The following TARS2 variants were observed in gnomAD, a reference collection of about 807,000 sequenced individuals.
The protein encoded by TARS2 is threonine--tRNA ligase, mitochondrial.
TARS2 carries 61 observed loss-of-function variants against 94.4 expected under a neutral mutation model. That is an observed-to-expected ratio of 0.65 (90% CI 0.53 to 0.80). The LOEUF is 0.80. TARS2 is among the 30% of genes least tolerant of loss of function. The probability of loss-of-function intolerance (pLI) is 0.00; values close to 1 mark genes in which losing one functional copy is unlikely to be tolerated. For synonymous variants in TARS2, 359 were observed against 353.4 expected (o/e 1.02, Z -0.18); for missense variants, 704 against 902.5 (o/e 0.78, Z 2.82).
At chr1:150,494,049 C>A (rs993407359) in intron 7 of TARS2, among the ~76,000 whole-genome samples, 8 of 151,706 alleles carry the variant, frequency 5.3e-5, no homozygotes, top group Non-Finnish European at 4.4e-5. Context: ...TTTTGTCCTA[C>A]CAGTAAATTC....
chr1:150,490,558 G>A, intron 3 of TARS2, 43 bp from the exon 4 acceptor site: 1 of 1,600,084 alleles, frequency 6.2e-7, no homozygotes. Context: ...AGGGGTTAAG[G>A]GAGAAGTTTA....
intron 16 of TARS2, 89 bp from the exon 17 acceptor site, chr1:150,505,502 T>TG (rs1295156100): frequency 1.1e-5 from 13 of 1,152,564 alleles, no homozygotes; most frequent in Non-Finnish European, 1.7e-5. Flanking sequence ...GAGGAACAGA[T>TG]GGGGGCATTG....
At position 150,497,651 on chromosome 1, in the gene TARS2, C is replaced by G. The variant is rs747498329; in HGVS notation, c.1142C>G (p.Pro381Arg). The change falls in exon 10 of 18, where the codon CCA becomes CGA. Residue 381 changes from proline (P) to arginine (R), a missense_variant. This residue lies in a region of TARS2 where 466 missense variants were observed against 609.5 expected (regional missense o/e 0.76). Transcript: ENST00000369064. ...YQEDMFAVQP[P>R]GSDRPPSSQS... Reference sequence around the variant, plus strand: ...GAAGACATGTTTGCCGTGCAGCCCCCAGGCTCTGACAGGCCTCCCAGCTCC... The same window carrying G: ...GAAGACATGTTTGCCGTGCAGCCCCGAGGCTCTGACAGGCCTCCCAGCTCC... 1 of 1,614,176 alleles carries G rather than the reference C, an allele frequency of 6.2e-7. No individual in the cohort carries two copies. Among genetic ancestry groups the G allele is most frequent in the South Asian group, 1.1e-5 (1 of 91,080 alleles).
chr1:150,506,311 C>T (rs1455479644), intron 17 of TARS2, among the ~76,000 whole-genome samples: 1 of 152,028 alleles, frequency 6.6e-6, no homozygotes, highest in Non-Finnish European at 1.5e-5. Flanking sequence ...TCCTCCTCAG[C>T]AGAGGCCCCT....
At chr1:150,506,574 G>GACACACACACACAC (rs59687878) in intron 17 of TARS2, among the ~76,000 whole-genome samples, 1 of 109,050 alleles carries the variant, frequency 9.2e-6, no homozygotes, top group African/African-American at 3.5e-5. Context: ...TAATGTCTCT[G>GACACACACACACAC]ACACACACAC....
At chr1:150,489,377 C>A (rs958332285) in intron 3 of TARS2, 3 of 392,784 alleles carry the variant, frequency 7.6e-6, no homozygotes, top group Non-Finnish European at 1.5e-5. Context: ...TGAGCACGTA[C>A]ATTATAAGTC....
chr1:150,504,768 C>A, intron 15 of TARS2, 35 bp downstream of exon 15: 1 of 1,612,470 alleles, frequency 6.2e-7, no homozygotes, highest in Non-Finnish European at 8.5e-7. Context: ...GTTCTGGCCC[C>A]AAACCGGATA....
chr1:150,488,103 C>G, intron 2 of TARS2, 49 bp downstream of exon 2: 1 of 1,584,870 alleles, frequency 6.3e-7, no homozygotes, highest in South Asian at 1.1e-5. Context: ...TGCCCCTTTA[C>G]TTTCTCTTCA....
Position 150,498,663 on chromosome 1 carries a change from A to G in TARS2, c.1400A>G (p.Gln467Arg). 1.2e-6 allele frequency: 2 copies of G among 1,613,402 alleles called. No homozygotes were observed. Among genetic ancestry groups the G allele is most frequent in the Non-Finnish European group, 1.7e-6 (2 of 1,179,788 alleles). Residue 467 changes from glutamine to arginine, a missense_variant and splice_region_variant, in exon 11 of 18, where the codon CAG becomes CGG. By Grantham distance (43) the Gln-to-Arg change is conservative. Coordinates refer to ENST00000369064, the MANE Select transcript of TARS2 (RefSeq NM_025150.5). ...DDAHIFCTTD[Q>R]LEAEIQSCLD... ...GCTCACATCTTCTGTACAACAGATC[A>G]GGTGGCCTTTCCCTGGCTCCACCAA...
At chr1:150,503,603 A>ATGTGTGTATATATATG (rs1670038081) in intron 13 of TARS2, among the ~76,000 whole-genome samples, 3 of 81,428 alleles carry the variant, frequency 3.7e-5, no homozygotes, top group African/African-American at 1.9e-4. Flanking sequence ...GTGTGTGTGT[A>ATGTGTGTATATATATG]TGTGTGTATA....
At chr1:150,497,434 GCATGGCCTGAGGGCC>G (rs1282172886) in intron 9 of TARS2, 81 bp from the exon 10 acceptor site, 1 of 1,178,414 alleles carries the variant, frequency 8.5e-7, no homozygotes, top group African/African-American at 1.5e-5. Context: ...GTTGCAATCA[GCATGGCCTGAGGGCC>G]CAGGAAGATC....
At chr1:150,494,480 G>C (rs182868684) in intron 7 of TARS2, among the ~76,000 whole-genome samples, 1 of 151,222 alleles carries the variant, frequency 6.6e-6, no homozygotes, top group Non-Finnish European at 1.5e-5. Context: ...TGGTTCACAC[G>C]TGTAATCCCA....
chr1:150,498,984 C>T lies in TARS2; in HGVS notation c.1489C>T (p.Arg497Trp), dbSNP rs748856324. Residue 497 changes from arginine (R) to tryptophan (W), a missense_variant, in exon 12 of 18, where the codon CGG becomes TGG. Physicochemically the swap from Arg to Trp is moderately radical, Grantham distance 101. This residue lies in a region of TARS2 where 466 missense variants were observed against 609.5 expected (regional missense o/e 0.76). Coordinates refer to ENST00000369064, the MANE Select transcript of TARS2 (RefSeq NM_025150.5). ...GFSFRLALST[R>W]PSGFLGDPCL... Reference sequence around the variant, plus strand: ...CTCCTTCCGCCTGGCACTGTCCACCCGGCCATCTGGCTTCCTGGGGGACCC... The same window carrying T: ...CTCCTTCCGCCTGGCACTGTCCACCTGGCCATCTGGCTTCCTGGGGGACCC... 8.1e-6 allele frequency: 13 copies of T among 1,614,084 alleles called. No individual in the cohort carries two copies. The highest frequency in any genetic ancestry group is 5.0e-5 in the Admixed American group (3 of 60,010).
At chr1:150,504,256 G>A in intron 13 of TARS2, 79 bp from the exon 14 acceptor site, 3 of 1,400,084 alleles carry the variant, frequency 2.1e-6, no homozygotes, top group Non-Finnish European at 3.0e-6. Context: ...TAAAGGGTGG[G>A]ATGGCACAGG....
intron 13 of TARS2, among the ~76,000 whole-genome samples, chr1:150,503,618 T>C (rs12758135): frequency 0.092 from 12,173 of 131,756 alleles, 727 homozygotes; most frequent in African/African-American, 0.18. Flanking sequence ...TGTATATATA[T>C]GTGTGTGTAT....
At chr1:150,489,289 T>C in intron 3 of TARS2, 1 of 688,214 alleles carries the variant, frequency 1.5e-6, no homozygotes, top group Admixed American at 2.5e-5. Context: ...AAGCAAACAT[T>C]TGTGCTAGTG....
At chr1:150,499,060 G>T in intron 12 of TARS2, 26 bp downstream of exon 12, 1 of 1,614,070 alleles carries the variant, frequency 6.2e-7, no homozygotes, top group Non-Finnish European at 8.5e-7. Flanking sequence ...AGAAATAGAG[G>T]CAGATAAACC....
chr1:150,499,520 C>T (rs1217131655), intron 13 of TARS2, among the ~76,000 whole-genome samples: 1 of 152,034 alleles, frequency 6.6e-6, no homozygotes, highest in Non-Finnish European at 1.5e-5. Flanking sequence ...TACGCCACCA[C>T]ACCCGGCTAA....
intron 7 of TARS2, among the ~76,000 whole-genome samples, chr1:150,493,614 G>A (rs587655970): frequency 1.6e-4 from 25 of 152,068 alleles, no homozygotes; most frequent in Admixed American, 4.6e-4. Context: ...TTAACTGGGC[G>A]TGGTGGCACA....
Sources: gnomAD v4.1 joint callset for allele counts (sites outside exome capture counted in the v4.1 genomes callset) on GRCh38, gnomAD v4.1.1 for gene constraint, gnomAD v4.1.1 regional missense constraint, MANE v1.5 for transcripts, NCBI Gene and HGNC (gene_info 2026-07-23, HGNC 2026-07-21) for gene names.